Variants in LAMA3 observed in about 807,000 individuals in gnomAD.
LAMA3 encodes laminin subunit alpha-3.
A neutral mutation model predicts 402.0 loss-of-function variants in LAMA3; 281 were observed. That is an observed-to-expected ratio of 0.70 (90% CI 0.63 to 0.77). The LOEUF is 0.77. Ranked by LOEUF, LAMA3 falls within the 30% of genes least tolerant of loss-of-function variation. The pLI is 0.00. For synonymous variants in LAMA3, 1,431 were observed against 1,558.4 expected (o/e 0.92, Z 1.93); for missense variants, 3,840 against 4,215.5 (o/e 0.91, Z 2.47).
Position 23,717,719 on chromosome 18 carries a change from A to ATTTTTT in LAMA3, c.447+3647_447+3648insTTTTTT, listed in dbSNP as rs1568109215. Reference sequence around the variant, plus strand: ...AGGTGCCCACCACCATGCCTGGCTAAATTTTTTTTTTTTTTTTTTTTTTTT... The same window carrying ATTTTTT: ...AGGTGCCCACCACCATGCCTGGCTAATTTTTTATTTTTTTTTTTTTTTTTTTTTTTT... On this transcript the variant is annotated intron_variant, in intron 2 of 74. Transcript: ENST00000313654. Among the ~76,000 whole-genome samples the ATTTTTT allele has an allele frequency of 6.8e-5, 8 of 116,810 alleles. 3 individuals carry two copies. The highest frequency in any genetic ancestry group is 3.7e-4 in the East Asian group (1 of 2,688). The allele number at this position is 116,810 out of a possible 152,430, so 76.6% of individuals were successfully genotyped here.
intron 73 of LAMA3, among the ~76,000 whole-genome samples, chr18:23,952,013 G>A (rs1414589184): frequency 6.6e-6 from 1 of 152,164 alleles, no homozygotes; most frequent in East Asian, 1.9e-4. Context: ...TTGTTTGTTT[G>A]TTTTTGGAGC....
Position 23,901,292 on chromosome 18 carries a change from A to T in LAMA3, c.6170A>T (p.Gln2057Leu). Residue 2057 changes from glutamine (Q) to leucine (L), a missense_variant, in exon 48 of 75, where the codon CAA becomes CTA. Gln to Leu is a moderately radical substitution (Grantham distance 113, BLOSUM62 -2). This residue lies in a region of LAMA3 where 891 missense variants were observed against 857.5 expected (regional missense o/e 1.04). Coordinates refer to ENST00000313654, the MANE Select transcript of LAMA3 (RefSeq NM_198129.4). The stretch of plus-strand genomic sequence containing the variant: ...GCCAAGCAGGCAAATGGCTTGAACC[A>T]AGAAAACGAGAGAGCTTTGGGAGCC... ...AQAKQANGLN[Q>L]ENERALGAIQ... 2 of 1,614,202 alleles carry T rather than the reference A, an allele frequency of 1.2e-6. No individual in the cohort carries two copies. The highest frequency in any genetic ancestry group is 2.7e-5 in the African/African-American group (2 of 75,052).
intron 1 of LAMA3, chr18:23,709,915 T>C: frequency 1.4e-6 from 1 of 716,360 alleles, no homozygotes; most frequent in South Asian, 1.3e-5. Context: ...CTAATCAGGG[T>C]GTTGACTTTG....
chr18:23,756,442 TCCCCCGCCCCCACC>T (rs2061845457), intron 6 of LAMA3, among the ~76,000 whole-genome samples: 1 of 26,574 alleles, frequency 3.8e-5, no homozygotes. Flanking sequence ...CCCCGCCGCT[TCCCCCGCCCCCACC>T]CCCCCGCCAA....
chr18:23,954,611 A>T lies in LAMA3; in HGVS notation c.9965A>T (p.Gln3322Leu). The change falls in exon 75 of 75, where the codon CAG (glutamine) becomes CTG (leucine). Residue 3322 changes from glutamine (Q) to leucine (L), a missense_variant. This residue lies in a region of LAMA3 where 840 missense variants were observed against 981.9 expected (regional missense o/e 0.86). Coordinates refer to ENST00000313654, the MANE Select transcript of LAMA3 (RefSeq NM_198129.4). ...CCTGTCACTGAAGCCTTGGAAGTCC[A>T]GGGGCCTGTCAGTCTGAATGGTTGT... ...PVPVTEALEVQGPVSLNGCPD... is the reference protein window; with the variant it reads ...PVPVTEALEVLGPVSLNGCPD... 1 of 1,614,046 alleles carries T rather than the reference A, an allele frequency of 6.2e-7. No homozygotes were observed. Among genetic ancestry groups the T allele is most frequent in the Non-Finnish European group, 8.5e-7 (1 of 1,180,000 alleles).
At chr18:23,803,634 T>C (rs2062907123) in intron 12 of LAMA3, among the ~76,000 whole-genome samples, 1 of 152,212 alleles carries the variant, frequency 6.6e-6, no homozygotes, top group Non-Finnish European at 1.5e-5. Flanking sequence ...CATTAATCAA[T>C]ATGTAATTTC....
At chr18:23,836,787 C>T (rs2144547499) in intron 24 of LAMA3, among the ~76,000 whole-genome samples, 194 bp from the exon 25 acceptor site, 1 of 152,300 alleles carries the variant, frequency 6.6e-6, no homozygotes, top group Middle Eastern at 3.4e-3. Context: ...CAACACTGGC[C>T]ACGGCAGGAA....
At chr18:23,733,628 G>A (rs763270649) in intron 2 of LAMA3, among the ~76,000 whole-genome samples, 4 of 152,174 alleles carry the variant, frequency 2.6e-5, no homozygotes, top group Non-Finnish European at 5.9e-5. Context: ...GGAAGGTTTC[G>A]CAAAGAAGGA....
chr18:23,807,713 G>C (rs968234632), intron 12 of LAMA3, among the ~76,000 whole-genome samples: 8 of 152,150 alleles, frequency 5.3e-5, no homozygotes, highest in Non-Finnish European at 8.8e-5. Context: ...CACCTGATTG[G>C]ATGAGGACCA....
chr18:23,819,164 A>G (rs1192158429), intron 18 of LAMA3, among the ~76,000 whole-genome samples: 1 of 132,048 alleles, frequency 7.6e-6, no homozygotes, highest in African/African-American at 3.0e-5. Flanking sequence ...TTGTGACTGG[A>G]TTGGCGAAGT....
Position 23,903,050 on chromosome 18 carries a change from C to A in LAMA3, c.6243C>A (p.Thr2081=). 6.2e-7 allele frequency: 1 copy of A among 1,612,424 alleles called. No homozygotes were observed. The highest frequency in any genetic ancestry group is 8.5e-7 in the Non-Finnish European group (1 of 1,178,698). ...KEINSLQSDF[T]KYLTTADSSL... ...TAAATTCCCTGCAGAGTGATTTCAC[C>A]AAGTATCTAACCACTGCAGACTCAT... Residue 2081 remains threonine (T), a synonymous_variant, in exon 49 of 75, where the codon ACC becomes ACA. Transcript: ENST00000313654.
Position 23,824,480 on chromosome 18 carries a change from C to T in LAMA3, c.2486C>T (p.Thr829Ile). Reference protein sequence around the residue: ...FLPSKEPAFVTVPGNGFADPF... With the variant: ...FLPSKEPAFVIVPGNGFADPF... ...CCGAGTAAGGAGCCAGCCTTTGTCACTGTCCCTGGAAATGGTTTTGCAGAC... is the reference window on the plus strand; with the variant it reads ...CCGAGTAAGGAGCCAGCCTTTGTCATTGTCCCTGGAAATGGTTTTGCAGAC... The change falls in exon 21 of 75, where the codon ACT (threonine) becomes ATT (isoleucine). Residue 829 changes from threonine to isoleucine, a missense_variant. Physicochemically the swap from Thr to Ile is moderately conservative, Grantham distance 89. Coordinates refer to ENST00000313654, the MANE Select transcript of LAMA3 (RefSeq NM_198129.4). 1.2e-6 allele frequency: 2 copies of T among 1,614,116 alleles called. No individual in the cohort carries two copies. Among genetic ancestry groups the T allele is most frequent in the Non-Finnish European group, 1.7e-6 (2 of 1,179,954 alleles).
chr18:23,821,201 A>G (rs1270302923), intron 19 of LAMA3, among the ~76,000 whole-genome samples: 5 of 152,252 alleles, frequency 3.3e-5, no homozygotes, highest in Non-Finnish European at 7.3e-5. Flanking sequence ...TATTTTGGTC[A>G]GAGGACCTTG....
intron 44 of LAMA3, among the ~76,000 whole-genome samples, chr18:23,896,578 G>T (rs1213408158): frequency 6.6e-6 from 1 of 152,102 alleles, no homozygotes; most frequent in Non-Finnish European, 1.5e-5. Flanking sequence ...GGCTGAGAGG[G>T]TATCCTAAGA....
chr18:23,783,554 T>G (rs1267598689), intron 11 of LAMA3, among the ~76,000 whole-genome samples: 9 of 152,086 alleles, frequency 5.9e-5, no homozygotes, highest in Non-Finnish European at 1.3e-4. Flanking sequence ...AGCCTGGCTG[T>G]GGGGAAGGCC....
Position 23,838,842 on chromosome 18 carries a change from A to G in LAMA3, c.3155A>G (p.His1052Arg), listed in dbSNP as rs1049039483. 1 of 1,611,930 alleles carries G rather than the reference A, an allele frequency of 6.2e-7. No individual in the cohort carries two copies. Among genetic ancestry groups the G allele is most frequent in the African/African-American group, 1.3e-5 (1 of 75,010 alleles). ...GCTGAGTATGTGAGACCACAAGTCCACTGCATTGCCAGTTATGGGCGATTT... is the reference window on the plus strand; with the variant it reads ...GCTGAGTATGTGAGACCACAAGTCCGCTGCATTGCCAGTTATGGGCGATTT... The part of the protein sequence containing the change: ...FSAEYVRPQV[H>R]CIASYGRFVN... Residue 1052 changes from histidine (H) to arginine (R), a missense_variant, in exon 26 of 75, where the codon CAC becomes CGC. His to Arg is a conservative substitution (Grantham distance 29, BLOSUM62 0). Around this residue, in one of 3 missense-constraint regions of LAMA3, gnomAD observed 2,109 missense variants for 2,376.0 expected, o/e 0.89. Transcript: ENST00000313654.
chr18:23,774,536 A>G (rs994131649), intron 9 of LAMA3, among the ~76,000 whole-genome samples: 1 of 152,186 alleles, frequency 6.6e-6, no homozygotes, highest in Non-Finnish European at 1.5e-5. Flanking sequence ...ACTGTGCCAT[A>G]ACTCTTCTAT....
At chr18:23,949,052 G>C (rs1443171184) in intron 70 of LAMA3, among the ~76,000 whole-genome samples, 4 of 152,280 alleles carry the variant, frequency 2.6e-5, no homozygotes, top group African/African-American at 9.6e-5. Flanking sequence ...GAACACACCT[G>C]GTGTATAATA....
At chr18:23,884,920 A>C (rs2065021917) in intron 41 of LAMA3, 67 bp downstream of exon 41, 2 of 1,235,136 alleles carry the variant, frequency 1.6e-6, no homozygotes, top group African/African-American at 3.0e-5. Flanking sequence ...TGGGGCTGCC[A>C]GGTGCTGGCA....
Sources: gnomAD v4.1 joint callset for allele counts (sites outside exome capture counted in the v4.1 genomes callset) on GRCh38, gnomAD v4.1.1 for gene constraint, gnomAD v4.1.1 regional missense constraint, MANE v1.5 for transcripts, NCBI Gene and HGNC (gene_info 2026-07-23, HGNC 2026-07-21) for gene names.